The following SPOP variants were observed in gnomAD, a reference collection of about 807,000 sequenced individuals.
SPOP encodes speckle-type POZ protein.
A neutral mutation model predicts 45.6 loss-of-function variants in SPOP; 11 were observed. The ratio of observed to expected loss-of-function variants is 0.24; its 90% CI spans 0.15 to 0.40. The LOEUF (loss-of-function observed/expected upper bound fraction) is 0.40. Among genes scored for constraint, SPOP ranks in the 10% least tolerant of loss-of-function variants. The probability of loss-of-function intolerance (pLI) is 1.00; values close to 1 mark genes in which losing one functional copy is unlikely to be tolerated. For missense variants in SPOP, 152 were observed against 465.6 expected (o/e 0.33, Z 6.20); for synonymous variants, 166 against 166.3 (o/e 1.00, Z 0.01).
intron 1 of SPOP, among the ~76,000 whole-genome samples, chr17:49,632,727 C>T (rs967897203): frequency 5.3e-5 from 8 of 152,066 alleles, no homozygotes; most frequent in African/African-American, 1.9e-4. Flanking sequence ...TCCTCACCCA[C>T]CTTGGCCTCC....
At chr17:49,636,718 T>C (rs1197978177) in intron 1 of SPOP, 1 of 152,168 alleles carries the variant, frequency 6.6e-6, no homozygotes, top group East Asian at 1.9e-4. Context: ...TTTTCCCTCA[T>C]GATTAAACTA....
intron 1 of SPOP, among the ~76,000 whole-genome samples, chr17:49,630,980 T>C (rs1211604082): frequency 2.0e-5 from 3 of 152,328 alleles, no homozygotes; most frequent in Non-Finnish European, 4.4e-5. Context: ...ACCCACTGAA[T>C]TGGCAAAGAT....
chr17:49,617,940 A>G lies in SPOP; in HGVS notation c.480+1041T>C, dbSNP rs113690759. Reference sequence around the variant, plus strand: ...CTCCGTCTCAAAAAAAAAAAAAAAAAAAAGAAAGAAAGCAATACATAAGCC... The same window carrying G: ...CTCCGTCTCAAAAAAAAAAAAAAAAGAAAGAAAGAAAGCAATACATAAGCC... On this transcript the variant is annotated intron_variant, in intron 5 of 9. Transcript: ENST00000504102. Among the ~76,000 whole-genome samples the G allele has an allele frequency of 9.2e-4, 139 of 151,878 alleles. 1 individual carries two copies. Among genetic ancestry groups the G allele is most frequent in the South Asian group, 3.3e-3 (16 of 4,798 alleles).
intron 1 of SPOP, among the ~76,000 whole-genome samples, chr17:49,642,225 T>A (rs1244621063): frequency 6.6e-6 from 1 of 151,984 alleles, no homozygotes; most frequent in African/African-American, 2.4e-5. Context: ...TTTACTTTTA[T>A]AGTCAGAAAA....
At chr17:49,624,538 G>A (rs1200256694) in intron 1 of SPOP, among the ~76,000 whole-genome samples, 1 of 152,004 alleles carries the variant, frequency 6.6e-6, no homozygotes, top group African/African-American at 2.4e-5. Context: ...GCGCAATCTT[G>A]GCTCACTACA....
Position 49,600,169 on chromosome 17 carries a change from G to T in SPOP, c.*209C>A, listed in dbSNP as rs1381211799. The T allele has an allele frequency of 1.5e-6, 1 of 666,732 alleles. No homozygotes were observed. Among genetic ancestry groups the T allele is most frequent in the Non-Finnish European group, 2.6e-6 (1 of 390,304 alleles). The allele number at this position is 666,732 out of a possible 1,614,324, so 41.3% of individuals were successfully genotyped here. ...GCCAGGCCAAAGGGAACACAGTGAC[G>T]CAGCAACAGGGTTTTCATTTCATTT... On this transcript the variant is annotated 3_prime_UTR_variant, in exon 10 of 10. Transcript: ENST00000504102. The surrounding 1 kb of genome is among the most constrained non-coding windows in gnomAD (Gnocchi z 4.2).
At chr17:49,616,963 A>C (rs1162647255) in intron 5 of SPOP, among the ~76,000 whole-genome samples, 2 of 152,236 alleles carry the variant, frequency 1.3e-5, no homozygotes, top group Non-Finnish European at 2.9e-5. Flanking sequence ...GTGAAGGGAG[A>C]GAGCGAGCGA....
chr17:49,644,119 A>C (rs1023851624), intron 1 of SPOP, among the ~76,000 whole-genome samples: 15 of 152,102 alleles, frequency 9.9e-5, no homozygotes, highest in African/African-American at 3.6e-4. Flanking sequence ...TAATCCCAAC[A>C]CTTTGGGAGG....
intron 1 of SPOP, among the ~76,000 whole-genome samples, chr17:49,641,788 G>A (rs768478810): frequency 2.0e-5 from 3 of 152,186 alleles, no homozygotes; most frequent in East Asian, 1.9e-4. Context: ...TTGGGAGGCC[G>A]AGGTGGGTGG....
At chr17:49,628,924 C>A (rs1362758739) in intron 1 of SPOP, among the ~76,000 whole-genome samples, 2 of 152,158 alleles carry the variant, frequency 1.3e-5, no homozygotes, top group Non-Finnish European at 2.9e-5. Context: ...CACAGCCTGC[C>A]TGGAACTCAA....
intron 1 of SPOP, among the ~76,000 whole-genome samples, chr17:49,676,207 C>G (rs1318669765): frequency 1.3e-5 from 2 of 151,282 alleles, no homozygotes; most frequent in Non-Finnish European, 2.9e-5. Flanking sequence ...AACGAGAAAT[C>G]AATAAAGTAC....
chr17:49,647,425 T>C (rs2072778674), intron 1 of SPOP, among the ~76,000 whole-genome samples: 1 of 151,248 alleles, frequency 6.6e-6, no homozygotes, highest in African/African-American at 2.4e-5. Context: ...TCTACTTCCA[T>C]GACTGGATCC....
At chr17:49,632,795 T>C (rs1210303657) in intron 1 of SPOP, among the ~76,000 whole-genome samples, 1 of 152,210 alleles carries the variant, frequency 6.6e-6, no homozygotes, top group East Asian at 1.9e-4. Flanking sequence ...TATATTATAA[T>C]AAAATTCCAA....
At chr17:49,613,077 C>A (rs1303105633) in intron 5 of SPOP, 1 of 152,112 alleles carries the variant, frequency 6.6e-6, no homozygotes, top group East Asian at 1.9e-4. Flanking sequence ...TCACATTTAT[C>A]AGAGCCAGAT....
chr17:49,622,972 A>C, intron 1 of SPOP, 96 bp from the exon 2 acceptor site: 1 of 615,606 alleles, frequency 1.6e-6, no homozygotes. Flanking sequence ...TTTTGTCTCC[A>C]CATTGTTTGA....
At position 49,665,634 on chromosome 17, in the gene SPOP, T is replaced by TTA. The variant is rs1441924458; in HGVS notation, c.-67+12297_-67+12298dup. Reference sequence around the variant, plus strand: ...GTCTCACAAAAAAAGCAAAAAAAGATTATATATATATACAGACACACACAC... The same window carrying TTA: ...GTCTCACAAAAAAAGCAAAAAAAGATTATATATATATATACAGACACACACAC... On this transcript the variant is annotated intron_variant, in intron 1 of 9. Coordinates refer to ENST00000504102, the MANE Select transcript of SPOP (RefSeq NM_001007228.2). Among the ~76,000 whole-genome samples the TTA allele has an allele frequency of 1.3e-3, 139 of 106,866 alleles. 1 individual carries two copies. Among genetic ancestry groups the TTA allele is most frequent in the Middle Eastern group, 5.4e-3 (1 of 184 alleles). The allele number at this position is 106,866 out of a possible 152,430, so 70.1% of individuals were successfully genotyped here.
intron 3 of SPOP, among the ~76,000 whole-genome samples, chr17:49,620,451 G>A (rs1221241912): frequency 7.0e-6 from 1 of 141,916 alleles, no homozygotes; most frequent in Non-Finnish European, 1.5e-5. Context: ...CTGGGCGATA[G>A]AGTGAGACTC....
At chr17:49,641,575 GA>G (rs1033236304) in intron 1 of SPOP, among the ~76,000 whole-genome samples, 70 of 122,836 alleles carry the variant, frequency 5.7e-4, no homozygotes, top group East Asian at 9.6e-4. Flanking sequence ...CAAAAAAAAA[GA>G]AAAAAAAAAA....
intron 1 of SPOP, among the ~76,000 whole-genome samples, chr17:49,667,387 C>G (rs1393974207): frequency 6.6e-6 from 1 of 150,578 alleles, no homozygotes; most frequent in Non-Finnish European, 1.5e-5. Context: ...GTAAGGAGTT[C>G]GAGACCAGCC....
Sources: gnomAD v4.1 joint callset for allele counts (sites outside exome capture counted in the v4.1 genomes callset) on GRCh38, gnomAD v4.1.1 for gene constraint, Gnocchi (gnomAD v3.1) non-coding constraint, MANE v1.5 for transcripts, NCBI Gene and HGNC (gene_info 2026-07-23, HGNC 2026-07-21) for gene names.